Variants in FARP2 observed in about 807,000 individuals in gnomAD.
The protein encoded by FARP2 is FERM, ARHGEF and pleckstrin domain-containing protein 2.
A neutral mutation model predicts 130.5 loss-of-function variants in FARP2; 111 were observed. That is an observed-to-expected ratio of 0.85 (90% confidence interval 0.73 to 1.00). The LOEUF is 1.00. FARP2 is among the 50% of genes least tolerant of loss of function. FARP2 has a pLI of 0.00. For missense variants in FARP2, 1,385 were observed against 1,346.3 expected (o/e 1.03, Z -0.45); for synonymous variants, 504 against 516.9 (o/e 0.98, Z 0.34).
rs1429198361 is a variant in FARP2, at chr2:241,404,541, C to T, written c.289-258C>T. ...CAAATAATTATTGGGACCCATTCTG[C>T]GCATAGCAGCAACTGAATAGAGGTA... is the stretch of plus-strand genomic sequence containing the variant. On this transcript the variant is annotated intron_variant, in intron 3 of 26. Coordinates refer to ENST00000264042, the MANE Select transcript of FARP2 (RefSeq NM_014808.4). 2.0e-5 allele frequency among the ~76,000 whole-genome samples: 3 copies of T among 152,200 alleles called. 1 individual carries two copies. In the South Asian group the frequency reaches 6.2e-4, roughly 32 times the overall value.
At chr2:241,442,249 G>A (rs1273924469) in intron 13 of FARP2, 1 of 456,676 alleles carries the variant, frequency 2.2e-6, no homozygotes, top group Admixed American at 2.3e-5. Flanking sequence ...CAGCTCCATG[G>A]TCAACTTCCC....
At chr2:241,489,160 T>C (rs1451216274) in intron 21 of FARP2, 1 of 152,234 alleles carries the variant, frequency 6.6e-6, no homozygotes, top group East Asian at 1.9e-4. Context: ...GAGGCTTGGT[T>C]GGTGTATCAG....
chr2:241,484,881 G>A (rs549752267), intron 21 of FARP2, among the ~76,000 whole-genome samples: 21 of 152,150 alleles, frequency 1.4e-4, no homozygotes, highest in Non-Finnish European at 2.8e-4. Flanking sequence ...TGCCCTGAGC[G>A]TGTCCCTGCA....
intron 2 of FARP2, among the ~76,000 whole-genome samples, chr2:241,400,863 C>T (rs1448541779): frequency 6.6e-6 from 1 of 152,192 alleles, no homozygotes; most frequent in Non-Finnish European, 1.5e-5. Context: ...GTGCAGCATA[C>T]TCCACGGTTC....
At chr2:241,413,003 G>C (rs920857024) in intron 6 of FARP2, among the ~76,000 whole-genome samples, 1 of 152,100 alleles carries the variant, frequency 6.6e-6, no homozygotes, top group African/African-American at 2.4e-5. Flanking sequence ...ACTCCAGCCT[G>C]GTCAACAGAA....
intron 15 of FARP2, among the ~76,000 whole-genome samples, 185 bp downstream of exon 15, chr2:241,462,797 C>G (rs1407432069): frequency 6.6e-6 from 1 of 152,038 alleles, no homozygotes; most frequent in Admixed American, 6.6e-5. Flanking sequence ...TCAAGTGATT[C>G]TTCTGCCTCA....
At chr2:241,461,282 G>T (rs539427668) in intron 14 of FARP2, among the ~76,000 whole-genome samples, 16 of 151,804 alleles carry the variant, frequency 1.1e-4, no homozygotes, top group African/African-American at 2.9e-4. Context: ...ACCCCTCCGC[G>T]CCCCCCAAGC....
At chr2:241,476,657 C>G (rs1012511523) in intron 19 of FARP2, among the ~76,000 whole-genome samples, 14 of 152,112 alleles carry the variant, frequency 9.2e-5, no homozygotes, top group African/African-American at 3.4e-4. Flanking sequence ...CCATTGCACT[C>G]TAGCCTGGGT....
intron 11 of FARP2, 101 bp from the exon 12 acceptor site, chr2:241,436,380 G>C: frequency 1.0e-6 from 1 of 967,010 alleles, no homozygotes; most frequent in Non-Finnish European, 1.7e-6. Flanking sequence ...ACATTTTCTT[G>C]TGAGGTTTTC....
chr2:241,445,107 A>C (rs1281230195), intron 13 of FARP2: 1 of 151,902 alleles, frequency 6.6e-6, no homozygotes, highest in Non-Finnish European at 1.5e-5. Context: ...TTTTTAAAAA[A>C]TTTTTGTGGA....
intron 4 of FARP2, among the ~76,000 whole-genome samples, chr2:241,405,566 CTATTT>C (rs1219709118): frequency 2.6e-5 from 4 of 152,108 alleles, no homozygotes; most frequent in Admixed American, 6.6e-5. Context: ...GAAAAAATAA[CTATTT>C]TATACCAATA....
rs57530027 is a variant in FARP2, at chr2:241,389,991, A to G, written c.184-13837A>G. On this transcript the variant is annotated intron_variant, in intron 2 of 26. Coordinates refer to ENST00000264042, the MANE Select transcript of FARP2 (RefSeq NM_014808.4). Reference sequence around the variant, plus strand: ...TTTGGTCTATCACCTCTGCTCTTCTAAGCCAAACTGGGCCCACACTTGGAC... The same window carrying G: ...TTTGGTCTATCACCTCTGCTCTTCTGAGCCAAACTGGGCCCACACTTGGAC... Among the ~76,000 whole-genome samples, 1,541 of 152,230 alleles carry G rather than the reference A, an allele frequency of 0.01. 68 individuals carry two copies. The East Asian group carries it at 0.1, about 10-fold the overall frequency.
intron 17 of FARP2, among the ~76,000 whole-genome samples, chr2:241,467,299 A>G (rs1195115523): frequency 1.3e-5 from 2 of 152,144 alleles, no homozygotes; most frequent in African/African-American, 2.4e-5. Flanking sequence ...GTTTAGTTTA[A>G]TATGTCTGTG....
chr2:241,428,132 G>C (rs1411712108), intron 8 of FARP2, among the ~76,000 whole-genome samples: 1 of 151,962 alleles, frequency 6.6e-6, no homozygotes, highest in African/African-American at 2.4e-5. Flanking sequence ...GGGCTATGGG[G>C]ATTTTGTTTC....
intron 8 of FARP2, among the ~76,000 whole-genome samples, chr2:241,420,684 T>C (rs770017381): frequency 6.6e-6 from 1 of 151,896 alleles, no homozygotes; most frequent in Non-Finnish European, 1.5e-5. Context: ...CAGGCAGGGG[T>C]CATCAGCCTC....
chr2:241,357,480 G>A (rs1314436161), intron 1 of FARP2, among the ~76,000 whole-genome samples: 1 of 152,074 alleles, frequency 6.6e-6, no homozygotes, highest in African/African-American at 2.4e-5. Context: ...GTTTTGTTTT[G>A]TTTTTTGAGG....
chr2:241,474,587 G>A (rs2064406292), intron 18 of FARP2, among the ~76,000 whole-genome samples: 1 of 151,078 alleles, frequency 6.6e-6, no homozygotes, highest in Non-Finnish European at 1.5e-5. Context: ...CGTCAGGAGT[G>A]GGAGACCAGC....
intron 13 of FARP2, chr2:241,446,907 A>G (rs181946564): frequency 1.3e-5 from 2 of 152,316 alleles, no homozygotes; most frequent in East Asian, 3.9e-4. Context: ...AGTTCAAGGA[A>G]GCGCCATCTT....
chr2:241,466,063 A>G (rs1341829676), intron 17 of FARP2: 1 of 1,181,126 alleles, frequency 8.5e-7, no homozygotes, highest in African/African-American at 1.5e-5. Context: ...AATGTTCATT[A>G]AAACAAAGGG....
Sources: gnomAD v4.1 joint callset for allele counts (sites outside exome capture counted in the v4.1 genomes callset) on GRCh38, gnomAD v4.1.1 for gene constraint, MANE v1.5 for transcripts, NCBI Gene and HGNC (gene_info 2026-07-23, HGNC 2026-07-21) for gene names.